The following ABCA13 variants were observed in gnomAD, a reference collection of about 807,000 sequenced individuals.
ABCA13 encodes ATP-binding cassette sub-family A member 13.
A neutral mutation model predicts 478.7 loss-of-function variants in ABCA13; 476 were observed. That is an observed-to-expected ratio of 0.99 (90% CI 0.92 to 1.07). The LOEUF is 1.07. ABCA13 is among the 50% of genes least tolerant of loss of function. ABCA13 has a pLI of 0.00. For missense variants in ABCA13, 6,060 were observed against 5,910.6 expected (o/e 1.03, Z -0.83); for synonymous variants, 2,252 against 2,158.9 (o/e 1.04, Z -1.20).
At chr7:48,187,528 G>A (rs1796530937) in intron 1 of ABCA13, among the ~76,000 whole-genome samples, 1 of 151,774 alleles carries the variant, frequency 6.6e-6, no homozygotes, top group African/African-American at 2.4e-5. Flanking sequence ...TTTTCCTTAT[G>A]TTGTATAGTC....
chr7:48,257,281 C>G (rs570469418), intron 15 of ABCA13, among the ~76,000 whole-genome samples: 1 of 152,088 alleles, frequency 6.6e-6, no homozygotes, highest in East Asian at 1.9e-4. Context: ...TCCTGTTTGG[C>G]TGCCTTTTAT....
intron 3 of ABCA13, among the ~76,000 whole-genome samples, chr7:48,208,278 C>A (rs2128936428): frequency 6.6e-6 from 1 of 151,998 alleles, no homozygotes; most frequent in East Asian, 1.9e-4. Flanking sequence ...TATTTTAGGT[C>A]TTTGTAGCTG....
At chr7:48,216,274 T>C (rs1262055247) in intron 3 of ABCA13, among the ~76,000 whole-genome samples, 1 of 152,186 alleles carries the variant, frequency 6.6e-6, no homozygotes, top group Non-Finnish European at 1.5e-5. Flanking sequence ...GTTCTTTAGA[T>C]TGTAGCCATC....
chr7:48,191,331 A>G (rs1248961040), intron 1 of ABCA13, among the ~76,000 whole-genome samples: 1 of 152,210 alleles, frequency 6.6e-6, no homozygotes, highest in African/African-American at 2.4e-5. Context: ...GTGTCAGAGA[A>G]CTTTTTAATC....
chr7:48,447,000 A>C (rs1041456147), intron 42 of ABCA13, among the ~76,000 whole-genome samples: 2 of 152,244 alleles, frequency 1.3e-5, no homozygotes, highest in African/African-American at 4.8e-5. Context: ...AAGCAGTGAA[A>C]AGAGAAGAAA....
At chr7:48,607,316 A>G (rs1791571518) in intron 58 of ABCA13, among the ~76,000 whole-genome samples, 1 of 152,186 alleles carries the variant, frequency 6.6e-6, no homozygotes, top group African/African-American at 2.4e-5. Context: ...GACCCCTTGC[A>G]CTTCCACGGT....
At chr7:48,378,552 A>G (rs1813852053) in intron 35 of ABCA13, among the ~76,000 whole-genome samples, 1 of 152,150 alleles carries the variant, frequency 6.6e-6, no homozygotes, top group African/African-American at 2.4e-5. Context: ...CTGTCCTTCC[A>G]TTCCTTCAGA....
chr7:48,527,684 AGACTCT>A (rs1832973335), intron 54 of ABCA13, among the ~76,000 whole-genome samples: 2 of 152,208 alleles, frequency 1.3e-5, no homozygotes, highest in Admixed American at 1.3e-4. Context: ...AGATTAGCTT[AGACTCT>A]GAGTTAGGAG....
At chr7:48,418,593 C>G (rs1322478034) in intron 41 of ABCA13, among the ~76,000 whole-genome samples, 1 of 152,080 alleles carries the variant, frequency 6.6e-6, no homozygotes, top group African/African-American at 2.4e-5. Flanking sequence ...TTTTTCTCAT[C>G]CCTACGGTAG....
At position 48,239,319 on chromosome 7, in the gene ABCA13, G is replaced by A. The variant is rs202132236; in HGVS notation, c.976G>A (p.Gly326Ser). Reference sequence around the variant, plus strand: ...ATCAGAGGATGAAGCTGAGAAATGGGGCCACGTTGGAGGCTGCCACCCTAA... The same window carrying A: ...ATCAGAGGATGAAGCTGAGAAATGGAGCCACGTTGGAGGCTGCCACCCTAA... Reference protein sequence around the residue: ...STSEDEAEKWGHVGGCHPKWS... With the variant: ...STSEDEAEKWSHVGGCHPKWS... The change falls in exon 9 of 62, where the codon GGC (glycine) becomes AGC (serine). Residue 326 changes from glycine (G) to serine (S), a missense_variant. By Grantham distance (56) the Gly-to-Ser change is moderately conservative (BLOSUM62 0). This residue lies in a region of ABCA13 where 4,423 missense variants were observed against 4,309.1 expected (regional missense o/e 1.03). Coordinates refer to ENST00000435803, the MANE Select transcript of ABCA13 (RefSeq NM_152701.5). 1.4e-4 allele frequency: 222 copies of A among 1,613,912 alleles called. 2 individuals are homozygous for A. In the Middle Eastern group the frequency reaches 1.5e-3, roughly 11 times the overall value.
chr7:48,426,896 C>T (rs973956714), intron 41 of ABCA13, among the ~76,000 whole-genome samples: 3 of 150,712 alleles, frequency 2.0e-5, no homozygotes, highest in Non-Finnish European at 2.9e-5. Context: ...ATTAATACAA[C>T]GAGGCAGCCA....
At chr7:48,187,017 G>GTA (rs767585452) in intron 1 of ABCA13, among the ~76,000 whole-genome samples, 11,321 of 135,202 alleles carry the variant, frequency 0.084, 678 homozygotes, top group East Asian at 0.2. Flanking sequence ...ATATGTGTGT[G>GTA]TGTATATATA....
intron 59 of ABCA13, among the ~76,000 whole-genome samples, chr7:48,617,302 C>G (rs2131577047): frequency 6.6e-6 from 1 of 152,268 alleles, no homozygotes; most frequent in Middle Eastern, 3.4e-3. Context: ...TCCTCTCCAT[C>G]CCTTTCTTTC....
chr7:48,424,094 C>T (rs1000552901), intron 41 of ABCA13, among the ~76,000 whole-genome samples: 11 of 152,142 alleles, frequency 7.2e-5, no homozygotes, highest in Admixed American at 2.6e-4. Flanking sequence ...AATGCACAAA[C>T]GCAGCATTCT....
At chr7:48,512,578 T>G (rs1271040758) in intron 51 of ABCA13, among the ~76,000 whole-genome samples, 4 of 152,222 alleles carry the variant, frequency 2.6e-5, no homozygotes, top group African/African-American at 9.6e-5. Flanking sequence ...TCTCCCTCTA[T>G]TTCAAGTAAA....
At chr7:48,584,703 G>A (rs578131429) in intron 56 of ABCA13, among the ~76,000 whole-genome samples, 15 of 152,238 alleles carry the variant, frequency 9.9e-5, no homozygotes, top group African/African-American at 3.6e-4. Flanking sequence ...AAATATATGT[G>A]TAGCTCACAT....
At chr7:48,416,397 C>A in intron 41 of ABCA13, among the ~76,000 whole-genome samples, 1 of 152,042 alleles carries the variant, frequency 6.6e-6, no homozygotes, top group South Asian at 2.1e-4. Flanking sequence ...AGCTGGGCCT[C>A]GACAGAGCCT....
chr7:48,443,328 C>T (rs1823875816), intron 42 of ABCA13, among the ~76,000 whole-genome samples: 1 of 152,180 alleles, frequency 6.6e-6, no homozygotes, highest in Non-Finnish European at 1.5e-5. Context: ...GTTGATTCCT[C>T]AGGCCAGCCA....
chr7:48,618,764 G>C (rs1792851776), intron 59 of ABCA13, among the ~76,000 whole-genome samples: 1 of 152,170 alleles, frequency 6.6e-6, no homozygotes, highest in Non-Finnish European at 1.5e-5. Flanking sequence ...GGGGGAGGTG[G>C]ATTGTGGCTT....
Sources: allele counts gnomAD v4.1 joint callset (sites outside exome capture counted in the v4.1 genomes callset), GRCh38; gene constraint gnomAD v4.1.1; regional missense constraint gnomAD v4.1.1; transcripts MANE v1.5; gene names NCBI Gene and HGNC (gene_info 2026-07-23, HGNC 2026-07-21).